Variants in GATA4 observed in about 807,000 individuals in gnomAD.
GATA4 encodes the protein GATA binding protein 4.
Under a neutral mutation model 37.9 loss-of-function variants are expected in GATA4, and 7 were observed. The observed-to-expected ratio is 0.18, with a 90% CI of 0.11 to 0.35. The LOEUF is 0.35. GATA4 is among the 10% of genes least tolerant of loss of function. The probability of loss-of-function intolerance (pLI) is 1.00; values close to 1 mark genes in which losing one functional copy is unlikely to be tolerated. For missense variants in GATA4, 647 were observed against 653.0 expected (o/e 0.99, Z 0.10); for synonymous variants, 372 against 292.6 (o/e 1.27, Z -2.77).
intron 2 of GATA4, among the ~76,000 whole-genome samples, chr8:11,736,719 A>G (rs1207253227): frequency 2.0e-5 from 3 of 152,250 alleles, no homozygotes; most frequent in Admixed American, 6.5e-5. Flanking sequence ...CTTTGAAGAA[A>G]GAGTTCTGCA....
intron 2 of GATA4, among the ~76,000 whole-genome samples, chr8:11,728,612 G>C (rs1206310928): frequency 6.6e-6 from 1 of 151,968 alleles, no homozygotes; most frequent in Non-Finnish European, 1.5e-5. Flanking sequence ...ACAGTGGCAT[G>C]GTCATGGCTC....
intron 1 of GATA4, among the ~76,000 whole-genome samples, chr8:11,683,318 T>C (rs1027470823): frequency 9.9e-5 from 15 of 152,218 alleles, no homozygotes; most frequent in Non-Finnish European, 2.1e-4. Context: ...CAGAGAGTTT[T>C]GTGCTAAATC....
At chr8:11,750,332 C>A (rs1802241807) in intron 4 of GATA4, 96 bp downstream of exon 4, 1 of 1,536,674 alleles carries the variant, frequency 6.5e-7, no homozygotes, top group African/African-American at 1.4e-5. Flanking sequence ...ATTCATTTTT[C>A]CTTCTTAACA....
chr8:11,710,027 G>C (rs748316358), intron 2 of GATA4, among the ~76,000 whole-genome samples: 2 of 152,230 alleles, frequency 1.3e-5, no homozygotes, highest in Non-Finnish European at 2.9e-5. Flanking sequence ...AAATCCTTCT[G>C]CATTTGTTCT....
intron 5 of GATA4, among the ~76,000 whole-genome samples, chr8:11,756,021 A>C (rs995373035): frequency 6.6e-6 from 1 of 151,570 alleles, no homozygotes; most frequent in Admixed American, 6.6e-5. Context: ...TTATTTATAA[A>C]ATTATATATA....
At chr8:11,750,063 G>A (rs1478173688) in intron 3 of GATA4, 48 bp from the exon 4 acceptor site, 1 of 1,613,502 alleles carries the variant, frequency 6.2e-7, no homozygotes, top group Non-Finnish European at 8.5e-7. Context: ...TGGAAGGGCA[G>A]TGCACACCTT....
intron 2 of GATA4, among the ~76,000 whole-genome samples, chr8:11,742,293 G>A (rs150188832): frequency 6.6e-6 from 1 of 151,978 alleles, no homozygotes; most frequent in East Asian, 1.9e-4. Flanking sequence ...CATATGAGCG[G>A]GTGTATTTTC....
At chr8:11,718,028 C>G (rs2130126989) in intron 2 of GATA4, among the ~76,000 whole-genome samples, 1 of 152,316 alleles carries the variant, frequency 6.6e-6, no homozygotes, top group East Asian at 1.9e-4. Flanking sequence ...CTATAACTGA[C>G]CCTCTGTGTT....
At chr8:11,743,956 A>G (rs1157244881) in intron 2 of GATA4, among the ~76,000 whole-genome samples, 1 of 152,168 alleles carries the variant, frequency 6.6e-6, no homozygotes, top group Non-Finnish European at 1.5e-5. Context: ...AGTTAGGACA[A>G]AATTTATTTT....
At position 11,746,298 on chromosome 8, in the gene GATA4, A is replaced by C. The variant is rs189679855; in HGVS notation, c.617-2618A>C. On this transcript the variant is annotated intron_variant, in intron 2 of 6. Transcript: ENST00000532059. ...GGCAGGAGTATCTCTTGAGGCCAGG[A>C]GTTGGTGGCTGCAGTGAGCTGTGAT... 4.1e-4 allele frequency among the ~76,000 whole-genome samples: 62 copies of C among 152,222 alleles called. 1 individual carries two copies. The East Asian group carries it at 0.011, about 27-fold the overall frequency.
At chr8:11,683,537 G>A (rs1036352822) in intron 1 of GATA4, among the ~76,000 whole-genome samples, 1 of 152,120 alleles carries the variant, frequency 6.6e-6, no homozygotes, top group Non-Finnish European at 1.5e-5. Context: ...CTTGAGACTA[G>A]GTAGACTAAA....
chr8:11,735,149 C>G (rs1801394792), intron 2 of GATA4, among the ~76,000 whole-genome samples: 1 of 152,156 alleles, frequency 6.6e-6, no homozygotes, highest in Non-Finnish European at 1.5e-5. Flanking sequence ...TATGGTAAAA[C>G]AAAGATTTGA....
chr8:11,680,676 A>C, intron 1 of GATA4: 1 of 985,070 alleles, frequency 1.0e-6, no homozygotes, highest in South Asian at 4.7e-5. Context: ...TTTGCGTCAG[A>C]GACCCCCCCC....
At chr8:11,734,875 A>T (rs769371239) in intron 2 of GATA4, among the ~76,000 whole-genome samples, 11 of 152,326 alleles carry the variant, frequency 7.2e-5, no homozygotes, top group Middle Eastern at 6.8e-3. Flanking sequence ...CAACCTCCAA[A>T]TACCATCACA....
At chr8:11,723,277 AC>A (rs1488006473) in intron 2 of GATA4, among the ~76,000 whole-genome samples, 3 of 151,856 alleles carry the variant, frequency 2.0e-5, no homozygotes, top group African/African-American at 7.3e-5. Context: ...GGATTGCTTG[AC>A]CTGGGAGTTC....
chr8:11,722,578 C>G (rs892784743), intron 2 of GATA4, among the ~76,000 whole-genome samples: 14 of 152,196 alleles, frequency 9.2e-5, no homozygotes, highest in African/African-American at 2.9e-4. Context: ...TCTTTCATCT[C>G]CTTTTCTTCT....
intron 2 of GATA4, among the ~76,000 whole-genome samples, chr8:11,745,295 T>C (rs533394955): frequency 1.3e-5 from 2 of 150,102 alleles, no homozygotes; most frequent in South Asian, 4.2e-4. Flanking sequence ...AGTTCTGGGG[T>C]GGACATGGTG....
intron 2 of GATA4, among the ~76,000 whole-genome samples, chr8:11,748,212 C>G (rs976944780): frequency 1.1e-4 from 16 of 152,150 alleles, no homozygotes; most frequent in African/African-American, 3.9e-4. Context: ...GAGTGAAACT[C>G]CGTCTCAAAA....
chr8:11,748,487 G>A (rs1802136735), intron 2 of GATA4, among the ~76,000 whole-genome samples: 1 of 152,136 alleles, frequency 6.6e-6, no homozygotes, highest in South Asian at 2.1e-4. Flanking sequence ...TATATATTTT[G>A]GCACTAATTT....
Sources: gnomAD v4.1 joint callset for allele counts (sites outside exome capture counted in the v4.1 genomes callset) on GRCh38, gnomAD v4.1.1 for gene constraint, MANE v1.5 for transcripts, NCBI Gene and HGNC (gene_info 2026-07-23, HGNC 2026-07-21) for gene names.